The following HHAT variants were observed in gnomAD, a reference collection of about 807,000 sequenced individuals.
HHAT encodes the protein protein-cysteine N-palmitoyltransferase HHAT.
In HHAT, 47 loss-of-function variants were observed where a neutral mutation model predicts 70.8. That is an observed-to-expected ratio of 0.66 (90% CI 0.53 to 0.85). HHAT has a LOEUF of 0.85. Ranked by LOEUF, HHAT falls within the 40% of genes least tolerant of loss-of-function variation. The pLI is 0.00. For synonymous variants in HHAT, 228 were observed against 247.6 expected (o/e 0.92, Z 0.74); for missense variants, 609 against 604.8 (o/e 1.01, Z -0.07).
At chr1:210,518,898 T>G (rs2095105540) in intron 9 of HHAT, among the ~76,000 whole-genome samples, 1 of 152,198 alleles carries the variant, frequency 6.6e-6, no homozygotes, top group Admixed American at 6.5e-5. Context: ...GGAGTTTTAT[T>G]AGAAAGAGAA....
chr1:210,387,428 G>A (rs1377335196), intron 3 of HHAT, 40 bp from the exon 4 acceptor site: 2 of 1,508,354 alleles, frequency 1.3e-6, no homozygotes, highest in East Asian at 2.3e-5. Flanking sequence ...ACTCAGACGT[G>A]TACTGAAATC....
At chr1:210,573,416 C>A (rs142966149) in intron 9 of HHAT, among the ~76,000 whole-genome samples, 3 of 152,158 alleles carry the variant, frequency 2.0e-5, no homozygotes, top group Non-Finnish European at 4.4e-5. Context: ...GAGGTATTGT[C>A]GGGAAAGTTA....
At chr1:210,605,734 T>G (rs1665264243) in intron 10 of HHAT, among the ~76,000 whole-genome samples, 1 of 152,172 alleles carries the variant, frequency 6.6e-6, no homozygotes, top group African/African-American at 2.4e-5. Context: ...ACAAGCAGCC[T>G]CCATTCATCC....
At chr1:210,392,950 A>T (rs1370965382) in intron 4 of HHAT, among the ~76,000 whole-genome samples, 2 of 152,154 alleles carry the variant, frequency 1.3e-5, no homozygotes, top group East Asian at 1.9e-4. Context: ...ATATTAGGAT[A>T]TAGATGTCCC....
At chr1:210,376,074 A>G (rs1395698613) in intron 3 of HHAT, among the ~76,000 whole-genome samples, 1 of 133,108 alleles carries the variant, frequency 7.5e-6, no homozygotes, top group African/African-American at 2.9e-5. Context: ...CATATCGGCC[A>G]GGCTGGTCTG....
At chr1:210,424,962 C>A (rs187295482) in intron 7 of HHAT, among the ~76,000 whole-genome samples, 1 of 152,178 alleles carries the variant, frequency 6.6e-6, no homozygotes, top group East Asian at 1.9e-4. Context: ...TACACTCTTA[C>A]CAACAGTGTA....
chr1:210,454,643 A>T (rs2093824978), intron 7 of HHAT, among the ~76,000 whole-genome samples: 1 of 152,104 alleles, frequency 6.6e-6, no homozygotes, highest in Admixed American at 6.5e-5. Context: ...GCTGTGTGGG[A>T]TCTTCTTCCC....
chr1:210,655,141 C>T (rs61827432), intron 11 of HHAT, among the ~76,000 whole-genome samples: 7,312 of 152,262 alleles, frequency 0.048, 270 homozygotes, highest in Non-Finnish European at 0.075. Flanking sequence ...GCCCCTTCCC[C>T]GGAGGCCAAC....
chr1:210,329,458 C>T, intron 1 of HHAT: 1 of 1,052,300 alleles, frequency 9.5e-7, no homozygotes, highest in Non-Finnish European at 1.1e-6. Context: ...CGCCTGCCTG[C>T]CTGCTGTGAC....
intron 8 of HHAT, among the ~76,000 whole-genome samples, chr1:210,478,895 C>T (rs901000945): frequency 1.3e-5 from 2 of 152,148 alleles, no homozygotes; most frequent in African/African-American, 2.4e-5. Flanking sequence ...TTCTGGACCC[C>T]TTCCCTCCAT....
chr1:210,336,287 ATT>A (rs541795412), intron 1 of HHAT, among the ~76,000 whole-genome samples: 18,490 of 84,382 alleles, frequency 0.22, 2,345 homozygotes, highest in Admixed American at 0.39. Flanking sequence ...TGCCTGGCTA[ATT>A]TTTTTTTTTT....
At chr1:210,337,669 G>C (rs988249591) in intron 1 of HHAT, among the ~76,000 whole-genome samples, 3 of 152,058 alleles carry the variant, frequency 2.0e-5, no homozygotes, top group African/African-American at 7.2e-5. Context: ...CTTCCCTCCT[G>C]TAAGGAACCT....
At chr1:210,352,387 T>A (rs143669897) in intron 2 of HHAT, among the ~76,000 whole-genome samples, 1 of 152,322 alleles carries the variant, frequency 6.6e-6, no homozygotes, top group East Asian at 1.9e-4. Context: ...ATGTTGAGCC[T>A]TCTTGGTTCC....
intron 7 of HHAT, among the ~76,000 whole-genome samples, chr1:210,424,507 T>G (rs1462594525): frequency 5.0e-5 from 2 of 39,836 alleles, no homozygotes; most frequent in African/African-American, 1.7e-4. Context: ...GTGCCATGGG[T>G]TTTTTTTTTT....
chr1:210,349,510 G>A (rs2086822056), intron 2 of HHAT, among the ~76,000 whole-genome samples: 1 of 152,026 alleles, frequency 6.6e-6, no homozygotes, highest in East Asian at 1.9e-4. Context: ...GGGGAATGGG[G>A]GCCCTCCTTT....
Position 210,630,911 on chromosome 1 carries a change from A to G in HHAT, c.1390+7241A>G, listed in dbSNP as rs550750400. 3.4e-5 allele frequency: 13 copies of G among 385,888 alleles called. No individual in the cohort carries two copies. The East Asian group carries it at 8.6e-4, about 26-fold the overall frequency. The allele number at this position is 385,888 out of a possible 1,614,324, so 23.9% of individuals were successfully genotyped here. A position where few individuals can be genotyped will look rare whatever the true frequency, so the allele number is the denominator to read the frequency against. On this transcript the variant is annotated intron_variant, in intron 11 of 11. Transcript: ENST00000261458. Reference sequence around the variant, plus strand: ...CCAGCTCAGAGGAAGGCAGAGCTGCAGGATGGAAACTGAAGCCATATAATT... The same window carrying G: ...CCAGCTCAGAGGAAGGCAGAGCTGCGGGATGGAAACTGAAGCCATATAATT...
rs1321259115 is a variant in HHAT, at chr1:210,437,450, C to G, written c.856+19125C>G. On this transcript the variant is annotated intron_variant, in intron 7 of 11. Coordinates refer to ENST00000261458, the MANE Select transcript of HHAT (RefSeq NM_018194.6). ...CTGGCCCCTCCAAAACAGAAGAGGT[C>G]TAGTGTAATCAGCCTGATACCAGAA... 2.0e-5 allele frequency among the ~76,000 whole-genome samples: 3 copies of G among 151,882 alleles called. 1 individual carries two copies. The highest frequency in any genetic ancestry group is 7.3e-5 in the African/African-American group (3 of 41,186).
intron 11 of HHAT, among the ~76,000 whole-genome samples, chr1:210,643,003 A>G (rs180884219): frequency 3.7e-4 from 56 of 152,304 alleles, no homozygotes; most frequent in African/African-American, 1.3e-3. Flanking sequence ...CATCTACAAT[A>G]TGTTTAGTAT....
At chr1:210,624,063 C>T (rs1669389161) in intron 11 of HHAT, among the ~76,000 whole-genome samples, 1 of 152,050 alleles carries the variant, frequency 6.6e-6, no homozygotes, top group Admixed American at 6.6e-5. Context: ...AGAGATGAGG[C>T]CTTTAAGAGG....
Sources: gnomAD v4.1 joint callset for allele counts (sites outside exome capture counted in the v4.1 genomes callset) on GRCh38, gnomAD v4.1.1 for gene constraint, MANE v1.5 for transcripts, NCBI Gene and HGNC (gene_info 2026-07-23, HGNC 2026-07-21) for gene names.